PHF20L1: variants seen among roughly 807,000 people sequenced by gnomAD.
PHF20L1 encodes PHD finger protein 20 like 1.
Under a neutral mutation model 125.5 loss-of-function variants are expected in PHF20L1, and 44 were observed. That is an observed-to-expected ratio of 0.35 (90% CI 0.28 to 0.45). The LOEUF (loss-of-function observed/expected upper bound fraction) is 0.45. Ranked by LOEUF, PHF20L1 falls within the 20% of genes least tolerant of loss-of-function variation. PHF20L1 has a pLI of 1.00. For synonymous variants in PHF20L1, 380 were observed against 403.1 expected, an observed-to-expected ratio of 0.94 and a Z score of 0.69; for missense variants, 1,012 against 1,217.2, an observed-to-expected ratio of 0.83 and a Z score of 2.51.
chr8:132,812,048 C>T, intron 9 of PHF20L1: 1 of 984,068 alleles, frequency 1.0e-6, no homozygotes, highest in Non-Finnish European at 1.2e-6. Flanking sequence ...TTTGGTGCCT[C>T]CATTAATGTT....
At chr8:132,807,543 C>A in intron 8 of PHF20L1, 1 of 302,126 alleles carries the variant, frequency 3.3e-6, no homozygotes, top group Non-Finnish European at 6.5e-6. Context: ...TTGAATTGAC[C>A]AGTAGTATGT....
At chr8:132,839,668 G>A (rs1322234647) in intron 18 of PHF20L1, 86 bp downstream of exon 18, 1 of 882,154 alleles carries the variant, frequency 1.1e-6, no homozygotes, top group South Asian at 1.6e-5. Flanking sequence ...ATGGTCCAGA[G>A]TAACAGTTTG....
intron 8 of PHF20L1, chr8:132,809,143 G>A (rs1834072785): frequency 6.6e-6 from 1 of 151,928 alleles, no homozygotes; most frequent in Non-Finnish European, 1.5e-5. Context: ...ACTTTAAGAA[G>A]ATAATTTTTT....
chr8:132,819,632 C>T (rs1424365950), intron 12 of PHF20L1, among the ~76,000 whole-genome samples: 1 of 151,132 alleles, frequency 6.6e-6, no homozygotes, highest in Non-Finnish European at 1.5e-5. Flanking sequence ...CTGTCTGTTC[C>T]CCAAGTCCTT....
intron 14 of PHF20L1, chr8:132,826,669 A>T (rs1044752752): frequency 6.6e-6 from 1 of 152,062 alleles, no homozygotes; most frequent in Non-Finnish European, 1.5e-5. Context: ...ATAAAGAAAA[A>T]CTAGAGAATG....
At chr8:132,811,904 GTA>G in intron 9 of PHF20L1, 3 of 977,228 alleles carry the variant, frequency 3.1e-6, no homozygotes, top group Non-Finnish European at 3.6e-6. Flanking sequence ...TTCTTTATTA[GTA>G]GCCTAATAAA....
At chr8:132,794,935 T>G in intron 4 of PHF20L1, 118 bp downstream of exon 4, 2 of 650,314 alleles carry the variant, frequency 3.1e-6, no homozygotes, top group South Asian at 4.2e-5. Flanking sequence ...ATATTTTCTG[T>G]AAGTATTCTT....
intron 9 of PHF20L1, chr8:132,813,205 T>A: frequency 1.4e-6 from 1 of 719,578 alleles, no homozygotes; most frequent in Non-Finnish European, 1.7e-6. Context: ...TGGCTCTAAT[T>A]ACTTTTCTGG....
At chr8:132,814,404 A>G (rs2131663978) in intron 9 of PHF20L1, among the ~76,000 whole-genome samples, 1 of 152,076 alleles carries the variant, frequency 6.6e-6, no homozygotes, top group East Asian at 1.9e-4. Flanking sequence ...TGAATAATAT[A>G]TTTTAAAAAA....
rs1835062190 is a variant in PHF20L1, at chr8:132,817,037, A to G, written c.1333A>G (p.Ile445Val). The G allele has an allele frequency of 5.0e-6, 8 of 1,599,178 alleles. No individual in the cohort carries two copies. Among genetic ancestry groups the G allele is most frequent in the East Asian group, 2.2e-5 (1 of 44,714 alleles). ...AGCCACTGATGGGAAAGTATTCTCC[A>G]TCAGTTCTCAAAATCAGCAAGAATC... The part of the protein sequence containing the change: ...SPATDGKVFS[I>V]SSQNQQESSV... The change falls in exon 11 of 21, where the codon ATC (isoleucine) becomes GTC (valine). Residue 445 changes from isoleucine (I) to valine (V), a missense_variant. Ile to Val is a conservative substitution (Grantham distance 29). Transcript: ENST00000395386.
intron 9 of PHF20L1, chr8:132,812,036 G>C: frequency 1.0e-6 from 1 of 984,066 alleles, no homozygotes; most frequent in Non-Finnish European, 1.2e-6. Context: ...ACAATGCGTT[G>C]TTTTGGTGCC....
chr8:132,825,005 G>GT, intron 13 of PHF20L1: 2 of 1,396,628 alleles, frequency 1.4e-6, no homozygotes, highest in Non-Finnish European at 1.9e-6. Flanking sequence ...CTCATTGAAG[G>GT]TTTTAACTAC....
chr8:132,803,117 T>C (rs1833280511), intron 6 of PHF20L1, among the ~76,000 whole-genome samples: 1 of 151,768 alleles, frequency 6.6e-6, no homozygotes. Flanking sequence ...AATAAATATT[T>C]GTACCTCAGA....
intron 9 of PHF20L1, chr8:132,812,935 A>G: frequency 1.0e-6 from 1 of 958,348 alleles, no homozygotes; most frequent in Non-Finnish European, 1.2e-6. Context: ...TTCTCAGCTT[A>G]TTAATTATAG....
Position 132,794,567 on chromosome 8 carries a change from G to A in PHF20L1, c.241G>A (p.Glu81Lys). 6.2e-7 allele frequency: 1 copy of A among 1,607,716 alleles called. No individual in the cohort carries two copies. Among genetic ancestry groups the A allele is most frequent in the East Asian group, 2.2e-5 (1 of 44,850 alleles). The change falls in exon 3 of 21, where the codon GAG becomes AAG. Residue 81 changes from glutamate (E) to lysine (K), a missense_variant. By Grantham distance (56) the Glu-to-Lys change is moderately conservative. Coordinates refer to ENST00000395386, the MANE Select transcript of PHF20L1 (RefSeq NM_016018.5). ...PALRKEGLKD[E>K]EDFFDFKAGE... The stretch of plus-strand genomic sequence containing the variant: ...ACTAAGAAAAGAAGGGCTAAAAGAT[G>A]AGGAAGATTTCTTTGTAAGTAGCAA...
chr8:132,841,758 A>G (rs1355065877), intron 18 of PHF20L1: 1 of 152,146 alleles, frequency 6.6e-6, no homozygotes, highest in African/African-American at 2.4e-5. Flanking sequence ...CTATCAAAAT[A>G]AATGTGCATG....
intron 20 of PHF20L1, among the ~76,000 whole-genome samples, chr8:132,844,972 C>A (rs10505602): frequency 0.047 from 7,169 of 151,952 alleles, 194 homozygotes; most frequent in Non-Finnish European, 0.064. Flanking sequence ...TTGGCATAAG[C>A]ACGTGATACC....
intron 2 of PHF20L1, among the ~76,000 whole-genome samples, chr8:132,789,819 G>A (rs1831466847): frequency 6.6e-6 from 1 of 152,124 alleles, no homozygotes; most frequent in African/African-American, 2.4e-5. Flanking sequence ...TATTTAAAGG[G>A]TAAGAGAGCT....
chr8:132,782,117 T>A (rs1830498305), intron 2 of PHF20L1, among the ~76,000 whole-genome samples: 2 of 152,244 alleles, frequency 1.3e-5, no homozygotes, highest in Admixed American at 1.3e-4. Context: ...TTCAGTTTTA[T>A]AATCTCTGGA....
Sources: gnomAD v4.1 joint callset for allele counts (sites outside exome capture counted in the v4.1 genomes callset) on GRCh38, gnomAD v4.1.1 for gene constraint, MANE v1.5 for transcripts, NCBI Gene and HGNC (gene_info 2026-07-23, HGNC 2026-07-21) for gene names.